The following ZMYND15 variants were observed in gnomAD, a reference collection of about 807,000 sequenced individuals.
ZMYND15 encodes zinc finger MYND-type containing 15, also known as zinc finger MYND domain-containing protein 15.
In ZMYND15, 54 loss-of-function variants were observed where a neutral mutation model predicts 81.7. That is an observed-to-expected ratio of 0.66 (90% CI 0.53 to 0.83). The LOEUF (loss-of-function observed/expected upper bound fraction) is 0.83. Among genes scored for constraint, ZMYND15 ranks in the 40% least tolerant of loss-of-function variants. ZMYND15 has a pLI of 0.00. For missense variants in ZMYND15, 925 were observed against 973.5 expected, an observed-to-expected ratio of 0.95 and a Z score of 0.66; for synonymous variants, 399 against 387.0, an observed-to-expected ratio of 1.03 and a Z score of -0.36.
Position 4,745,733 on chromosome 17 carries a change from G to A in ZMYND15, c.2058-86G>A, listed in dbSNP as rs961779522. ...GAGCCCCGCCCCCTGGTCCCTGACC[G>A]CGCCCCTGGGAGCCCCGACCCCTGG... is the stretch of plus-strand genomic sequence containing the variant. On this transcript the variant is annotated intron_variant, in intron 13 of 13. Transcript: ENST00000433935. The surrounding 1 kb of genome is among the most constrained non-coding windows in gnomAD (Gnocchi z 5.2). 4.1e-5 allele frequency: 21 copies of A among 506,420 alleles called. 1 individual carries two copies. The African/African-American group carries it at 6.0e-4, about 14-fold the overall frequency. The allele number at this position is 506,420 out of a possible 1,614,324, so 31.4% of individuals were successfully genotyped here. A position where few individuals can be genotyped will look rare whatever the true frequency, so the allele number is the denominator to read the frequency against.
rs1327102402 is a variant in ZMYND15, at chr17:4,744,077, T to C, written c.1465T>C (p.Tyr489His). ...VLLTYPLTVYYVITHLVPQSF... is the reference protein window; with the variant it reads ...VLLTYPLTVYHVITHLVPQSF... The stretch of plus-strand genomic sequence containing the variant: ...TCTCACCTACCCGCTGACCGTGTAC[T>C]ACGTCATCACCCACCTGGTGCCCCA... Residue 489 changes from tyrosine to histidine, a missense_variant, in exon 8 of 14, where the codon TAC (tyrosine) becomes CAC (histidine). Coordinates refer to ENST00000433935, the MANE Select transcript of ZMYND15 (RefSeq NM_001136046.3). This position sits in a 1 kb window ranked among gnomAD's most constrained non-coding sequence, Gnocchi z 4.1. 1 of 1,574,304 alleles carries C rather than the reference T, an allele frequency of 6.4e-7. No individual in the cohort carries two copies. The highest frequency in any genetic ancestry group is 2.4e-5 in the East Asian group (1 of 42,174).
In ZMYND15 at chr17:4,743,458, G is replaced by A. The variant is rs1226858603; in HGVS notation, c.1297+3G>A. 2.5e-6 allele frequency: 4 copies of A among 1,613,726 alleles called. No homozygotes were observed. In the South Asian group the frequency reaches 4.4e-5, roughly 18 times the overall value. On this transcript the variant is annotated splice_donor_region_variant and intron_variant, in intron 6 of 13. Transcript: ENST00000433935. The surrounding 1 kb of genome is among the most constrained non-coding windows in gnomAD (Gnocchi z 4.3). The stretch of plus-strand genomic sequence containing the variant: ...ATCCCTCAGCCTTCTTCGCGGTGGT[G>A]CGTGGGGTCTCTCCAGGCATGGGCC...
chr17:4,745,106 C>A lies in ZMYND15; in HGVS notation c.1897-109C>A. 6.3e-7 allele frequency: 1 copy of A among 1,586,002 alleles called. No individual in the cohort carries two copies. The highest frequency in any genetic ancestry group is 8.6e-7 in the Non-Finnish European group (1 of 1,161,180). On this transcript the variant is annotated intron_variant, in intron 12 of 13. Transcript: ENST00000433935. The surrounding 1 kb of genome is among the most constrained non-coding windows in gnomAD (Gnocchi z 5.2). ...TCTGTCTCCGTCCTCCCCCTGCTCC[C>A]CTCCGCCCGGTCTGTCCGGGGACCT...
intron 5 of ZMYND15, among the ~76,000 whole-genome samples, chr17:4,742,981 G>C (rs947247088): frequency 6.6e-6 from 1 of 152,028 alleles, no homozygotes; most frequent in Non-Finnish European, 1.5e-5. Flanking sequence ...GTTCTAGGCC[G>C]GGCAATGGTT....
Position 4,745,212 on chromosome 17 carries a change from C to T in ZMYND15, c.1897-3C>T. On this transcript the variant is annotated splice_region_variant and splice_polypyrimidine_tract_variant and intron_variant, in intron 12 of 13. Transcript: ENST00000433935. This position sits in a 1 kb window ranked among gnomAD's most constrained non-coding sequence, Gnocchi z 5.2. ...TCTCAGAGCGACTCTCGCTCCACCC[C>T]AGTCCCTCCGAGTGCCAGCCTTCTT... 1.9e-6 allele frequency: 3 copies of T among 1,614,112 alleles called. No homozygotes were observed. In the South Asian group the frequency reaches 3.3e-5, roughly 18 times the overall value.
At chr17:4,741,205 CCT>C (rs1916395890) in intron 2 of ZMYND15, 65 bp downstream of exon 2, 4 of 1,380,972 alleles carry the variant, frequency 2.9e-6, no homozygotes, top group Non-Finnish European at 3.8e-6. Flanking sequence ...GAAGCCCTCC[CCT>C]GCCACTAGTT....
rs201872517 is a variant in ZMYND15, at chr17:4,744,362, C to A, written c.1585-7C>A. ...ACCCCAGATCTTTCTTTCTTTCTGT[C>A]CTTCAGGAGCTTTTGGTCCTGCTCC... is the stretch of plus-strand genomic sequence containing the variant. On this transcript the variant is annotated splice_polypyrimidine_tract_variant and splice_region_variant and intron_variant, in intron 9 of 13. Coordinates refer to ENST00000433935, the MANE Select transcript of ZMYND15 (RefSeq NM_001136046.3). The surrounding 1 kb of genome is among the most constrained non-coding windows in gnomAD (Gnocchi z 4.1). 1 of 1,614,098 alleles carries A rather than the reference C, an allele frequency of 6.2e-7. No homozygotes were observed. The highest frequency in any genetic ancestry group is 8.5e-7 in the Non-Finnish European group (1 of 1,180,000).
Position 4,742,051 on chromosome 17 carries a change from G to A in ZMYND15, c.964G>A (p.Glu322Lys). The A allele has an allele frequency of 1.2e-6, 2 of 1,614,186 alleles. No individual in the cohort carries two copies. Among genetic ancestry groups the A allele is most frequent in the Non-Finnish European group, 1.7e-6 (2 of 1,180,026 alleles). Residue 322 changes from glutamate (E) to lysine (K), a missense_variant, in exon 4 of 14, where the codon GAA (glutamate) becomes AAA (lysine). By Grantham distance (56) the Glu-to-Lys change is moderately conservative (BLOSUM62 1). Coordinates refer to ENST00000433935, the MANE Select transcript of ZMYND15 (RefSeq NM_001136046.3). ...CCATGTGTGTCACAGGCACAGCTTT[G>A]AAGCGAAGCTGACACCTTGGTGAGC... is the stretch of plus-strand genomic sequence containing the variant. ...TCHVCHRHSF[E>K]AKLTPCPQCS... is the part of the protein sequence containing the mutation.
intron 4 of ZMYND15, 64 bp downstream of exon 4, chr17:4,742,134 G>T: frequency 6.3e-7 from 1 of 1,598,156 alleles, no homozygotes; most frequent in Non-Finnish European, 8.5e-7. Context: ...AAGGCAGGGT[G>T]GTGGGGGGCG....
rs779840373 is a variant in ZMYND15, at chr17:4,743,272, C to T, written c.1145-31C>T. 9 of 1,589,432 alleles carry T rather than the reference C, an allele frequency of 5.7e-6. No individual in the cohort carries two copies. In the Admixed American group the frequency reaches 1.7e-4, roughly 30 times the overall value. On this transcript the variant is annotated intron_variant, in intron 5 of 13. Transcript: ENST00000433935. The surrounding 1 kb of genome is among the most constrained non-coding windows in gnomAD (Gnocchi z 4.3). ...AAAAATGTCTGGGGTTCTAGCCCAG[C>T]ACCTCAACTCCTCCCCTTCTCCTTC...
In ZMYND15 at chr17:4,745,933, C is replaced by A. The variant is rs568600757; in HGVS notation, c.2172C>A (p.Pro724=). 9 of 1,489,000 alleles carry A rather than the reference C, an allele frequency of 6.0e-6. No individual in the cohort carries two copies. Among genetic ancestry groups the A allele is most frequent in the Middle Eastern group, 3.5e-4 (2 of 5,652 alleles). The allele number at this position is 1,489,000 out of a possible 1,614,324, so 92.2% of individuals were successfully genotyped here. Residue 724 remains proline (P), a synonymous_variant, in exon 14 of 14, where the codon CCC becomes CCA. Coordinates refer to ENST00000433935, the MANE Select transcript of ZMYND15 (RefSeq NM_001136046.3). The surrounding 1 kb of genome is among the most constrained non-coding windows in gnomAD (Gnocchi z 5.2). The part of the protein sequence containing the change: ...PSPTPSAPPA[P]TRRRRGEKKP... ...CAACTCCCTCTGCTCCTCCTGCCCC[C>A]ACCCGAAGGCGCCGAGGAGAAAAGA...
At chr17:4,741,550 C>G in intron 2 of ZMYND15, 32 bp from the exon 3 acceptor site, 1 of 1,612,558 alleles carries the variant, frequency 6.2e-7, no homozygotes, top group Non-Finnish European at 8.5e-7. Context: ...CTCGCTGCCC[C>G]CTACCACCTC....
Position 4,745,481 on chromosome 17 carries a change from C to G in ZMYND15, c.2057+106C>G. On this transcript the variant is annotated intron_variant, in intron 13 of 13. Transcript: ENST00000433935. This position sits in a 1 kb window ranked among gnomAD's most constrained non-coding sequence, Gnocchi z 5.2. ...TACCCTAGTCCCTGCTGTCCTGGGG[C>G]CCTCCTGCCCCCAGCCCAGCAACCT... is the stretch of plus-strand genomic sequence containing the variant. The G allele has an allele frequency of 7.3e-7, 1 of 1,365,040 alleles. No homozygotes were observed. The highest frequency in any genetic ancestry group is 2.5e-5 in the Admixed American group (1 of 40,692). 84.6% of individuals were successfully genotyped at this position (1,365,040 alleles called of 1,614,324 possible).
At position 4,742,463 on chromosome 17, in the gene ZMYND15, G is replaced by A. The variant is rs1305633167; in HGVS notation, c.1116G>A (p.Leu372=). 1 of 1,614,128 alleles carries A rather than the reference G, an allele frequency of 6.2e-7. No individual in the cohort carries two copies. The change falls in exon 5 of 14, where the codon CTG becomes CTA. Residue 372 remains leucine, a synonymous_variant. Coordinates refer to ENST00000433935, the MANE Select transcript of ZMYND15 (RefSeq NM_001136046.3). ...CCTTCATGGAGCGGGCAGGAGAACT[G>A]GCAACCCTGCCTTTTACCTACACCG... ...LAAFMERAGE[L]ATLPFTYTAE...
Position 4,740,850 on chromosome 17 carries a change from GC to G in ZMYND15, c.306del (p.Tyr103ThrfsTer7). 1 of 1,576,996 alleles carries G rather than the reference GC, an allele frequency of 6.3e-7. No homozygotes were observed. The highest frequency in any genetic ancestry group is 8.6e-7 in the Non-Finnish European group (1 of 1,158,894). ...CCTCCACTCCACCTGCGAGACCTGA[GC>G]CCCTACATCAGCTTTGTCAGCCTAG... ...DNPPLHLRDL[S>X]PYISFVSLED... On this transcript the variant is annotated frameshift_variant, in exon 2 of 14. Coordinates refer to ENST00000433935, the MANE Select transcript of ZMYND15 (RefSeq NM_001136046.3). LOFTEE classifies it high-confidence loss of function.
In ZMYND15 at chr17:4,741,159, C is replaced by A. The variant is rs371498138; in HGVS notation, c.592+19C>A. ...AGGAGTGGTAAGAACCCAGGGCTGG[C>A]CCTGCCCTACCCCTTGCCCAGCCAT... On this transcript the variant is annotated intron_variant, in intron 2 of 13. Coordinates refer to ENST00000433935, the MANE Select transcript of ZMYND15 (RefSeq NM_001136046.3). The A allele has an allele frequency of 4.8e-5, 68 of 1,414,404 alleles. No individual in the cohort carries two copies. The highest frequency in any genetic ancestry group is 6.2e-5 in the Non-Finnish European group (67 of 1,081,420). 87.6% of individuals were successfully genotyped at this position (1,414,404 alleles called of 1,614,324 possible). A position where few individuals can be genotyped will look rare whatever the true frequency, so the allele number is the denominator to read the frequency against.
chr17:4,746,097 A>C lies in ZMYND15; in HGVS notation c.*107A>C. 1 of 1,201,052 alleles carries C rather than the reference A, an allele frequency of 8.3e-7. No homozygotes were observed. Among genetic ancestry groups the C allele is most frequent in the Non-Finnish European group, 1.1e-6 (1 of 918,452 alleles). The allele number at this position is 1,201,052 out of a possible 1,614,324, so 74.4% of individuals were successfully genotyped here. On this transcript the variant is annotated 3_prime_UTR_variant, in exon 14 of 14. Transcript: ENST00000433935. ...TTGGTAAAACATGAAAAGGTAAATA[A>C]AATTACTTGTTTGAAACCACTGAGT...
In ZMYND15 at chr17:4,742,439, C is replaced by T; in HGVS notation, c.1092C>T (p.Ala364=). ...GATTTTGGTGCCCAAGGCTTGCAGC[C>T]TTCATGGAGCGGGCAGGAGAACTGG... ...SHRFWCPRLA[A]FMERAGELAT... Residue 364 remains alanine, a synonymous_variant, in exon 5 of 14, where the codon GCC becomes GCT. Coordinates refer to ENST00000433935, the MANE Select transcript of ZMYND15 (RefSeq NM_001136046.3). 1 of 1,614,198 alleles carries T rather than the reference C, an allele frequency of 6.2e-7. No homozygotes were observed. Among genetic ancestry groups the T allele is most frequent in the Non-Finnish European group, 8.5e-7 (1 of 1,180,040 alleles).
chr17:4,741,968 T>C lies in ZMYND15; in HGVS notation c.881T>C (p.Met294Thr). Reference sequence around the variant, plus strand: ...GGTGTGAAGTTAGCCAAAACCCCAATGCGGACATGGGGTCCCCGGCCAGGC... The same window carrying C: ...GGTGTGAAGTTAGCCAAAACCCCAACGCGGACATGGGGTCCCCGGCCAGGC... ...RLGVKLAKTP[M>T]RTWGPRPGFT... is the part of the protein sequence containing the mutation. Residue 294 changes from methionine to threonine, a missense_variant, in exon 4 of 14, where the codon ATG (methionine) becomes ACG (threonine). Transcript: ENST00000433935. The C allele has an allele frequency of 1.2e-6, 2 of 1,614,172 alleles. No individual in the cohort carries two copies. Among genetic ancestry groups the C allele is most frequent in the Non-Finnish European group, 1.7e-6 (2 of 1,180,026 alleles).
Sources: gnomAD v4.1 joint callset for allele counts (sites outside exome capture counted in the v4.1 genomes callset) on GRCh38, gnomAD v4.1.1 for gene constraint, Gnocchi (gnomAD v3.1) non-coding constraint, MANE v1.5 for transcripts, NCBI Gene and HGNC (gene_info 2026-07-23, HGNC 2026-07-21) for gene names.